The following ADAMTS13 variants were observed in gnomAD, a reference collection of about 807,000 sequenced individuals.
ADAMTS13 encodes the protein ADAM metallopeptidase with thrombospondin type 1 motif 13.
A neutral mutation model predicts 155.1 loss-of-function variants in ADAMTS13; 110 were observed. The observed-to-expected ratio is 0.71, with a 90% confidence interval of 0.61 to 0.83. ADAMTS13 has a LOEUF of 0.83. ADAMTS13 is among the 40% of genes least tolerant of loss of function. The probability of loss-of-function intolerance (pLI) is 0.00; values close to 1 mark genes in which losing one functional copy is unlikely to be tolerated. For synonymous variants in ADAMTS13, 758 were observed against 756.4 expected, an observed-to-expected ratio of 1.00 and a Z score of -0.03; for missense variants, 1,707 against 1,891.7, an observed-to-expected ratio of 0.90 and a Z score of 1.81.
At chr9:133,429,810 G>A in intron 7 of ADAMTS13, 129 bp from the exon 8 acceptor site, 1 of 1,268,636 alleles carries the variant, frequency 7.9e-7, no homozygotes, top group East Asian at 2.5e-5. Context: ...CGCGGGCCGA[G>A]AACTCCTGTT....
rs36221469 is a variant in ADAMTS13 at position 133,444,343 on chromosome 9, G to A, written c.2421-520G>A. On this transcript the variant is annotated intron_variant, in intron 19 of 28. Coordinates refer to ENST00000355699, the MANE Select transcript of ADAMTS13 (RefSeq NM_139027.6). ...GCCTCTGCCTCTGGAGAGTAGGAGG[G>A]ATGGGTTCTCTTTTTTTTTTTTATT... Among the ~76,000 whole-genome samples, 1,488 of 152,050 alleles carry A rather than the reference G, an allele frequency of 9.8e-3. 20 individuals carry two copies. The highest frequency in any genetic ancestry group is 0.034 in the African/African-American group (1,411 of 41,456).
chr9:133,430,693 C>CTTTTTTTTTTT (rs1220627976), intron 8 of ADAMTS13, among the ~76,000 whole-genome samples: 2 of 139,692 alleles, frequency 1.4e-5, no homozygotes, highest in Non-Finnish European at 3.1e-5. Context: ...TTTTTTTTTC[C>CTTTTTTTTTTT]TATTTTTTTT....
At chr9:133,418,705 CAG>C (rs1839822815), upstream of ADAMTS13, among the ~76,000 whole-genome samples, 1 of 152,204 alleles carries the variant, frequency 6.6e-6, no homozygotes, top group Non-Finnish European at 1.5e-5. Flanking sequence ...CAGAACGCAA[CAG>C]AACAGGACAG....
intron 11 of ADAMTS13, among the ~76,000 whole-genome samples, chr9:133,436,274 C>T (rs1202905685): frequency 6.6e-6 from 1 of 151,478 alleles, no homozygotes; most frequent in African/African-American, 2.4e-5. Context: ...CCCTCCCTTT[C>T]CTCCTTCTCC....
At chr9:133,422,773 A>G (rs1274268865) in intron 1 of ADAMTS13, among the ~76,000 whole-genome samples, 1 of 151,720 alleles carries the variant, frequency 6.6e-6, no homozygotes, top group East Asian at 1.9e-4. Flanking sequence ...ACAGACAGAT[A>G]CTAGTTTGTC....
intron 7 of ADAMTS13, chr9:133,429,655 C>T (rs1840584041): frequency 3.2e-6 from 2 of 627,128 alleles, no homozygotes; most frequent in African/African-American, 1.8e-5. Context: ...TCCCGCCGAC[C>T]GCACCGCTCC....
intron 8 of ADAMTS13, among the ~76,000 whole-genome samples, chr9:133,431,185 G>A (rs1840737850): frequency 6.6e-6 from 1 of 151,674 alleles, no homozygotes; most frequent in African/African-American, 2.4e-5. Flanking sequence ...GGCTTGTCTA[G>A]GACTCCTGGC....
Position 133,456,754 on chromosome 9 carries a change from T to C in ADAMTS13, c.3724+35T>C. The C allele has an allele frequency of 6.4e-7, 1 of 1,550,836 alleles. No individual in the cohort carries two copies. The highest frequency in any genetic ancestry group is 8.7e-7 in the Non-Finnish European group (1 of 1,146,854). ...GGCCTTCTCCACCTCCCTTGGGTGC[T>C]CCAGTCCTGGCAGGGAGGCTGGGTG... On this transcript the variant is annotated intron_variant, in intron 27 of 28. Coordinates refer to ENST00000355699, the MANE Select transcript of ADAMTS13 (RefSeq NM_139027.6). This position sits in a 1 kb window ranked among gnomAD's most constrained non-coding sequence, Gnocchi z 4.4.
intron 7 of ADAMTS13, chr9:133,429,609 C>T: frequency 2.6e-6 from 1 of 389,326 alleles, no homozygotes; most frequent in Non-Finnish European, 5.1e-6. Flanking sequence ...ACACCCCTAT[C>T]TCCCCCACCC....
chr9:133,415,033 A>G, intron 1 of ADAMTS13: 2 of 1,559,042 alleles, frequency 1.3e-6, no homozygotes, highest in Non-Finnish European at 1.7e-6. Context: ...AATAAAATAC[A>G]TGCTGCATTT....
intron 18 of ADAMTS13, 43 bp from the exon 19 acceptor site, chr9:133,443,333 C>T (rs782624195): frequency 6.4e-7 from 1 of 1,564,922 alleles, no homozygotes. Context: ...CCAGGCCAGC[C>T]TGGGACCTGG....
Position 133,437,787 on chromosome 9 carries a change from G to A in ADAMTS13, c.1474G>A (p.Glu492Lys), listed in dbSNP as rs1048590351. The A allele has an allele frequency of 9.9e-6, 16 of 1,613,834 alleles. No homozygotes were observed. Among genetic ancestry groups the A allele is most frequent in the African/African-American group, 1.3e-5 (1 of 74,926 alleles). The change falls in exon 13 of 29, where the codon GAG becomes AAG. Residue 492 changes from glutamate (E) to lysine (K), a missense_variant. Physicochemically the swap from Glu to Lys is moderately conservative, Grantham distance 56 (BLOSUM62 1). This residue lies in a region of ADAMTS13 where 733 missense variants were observed against 749.6 expected (regional missense o/e 0.98). Coordinates refer to ENST00000355699, the MANE Select transcript of ADAMTS13 (RefSeq NM_139027.6). ...LCRHMCRAIGESFIMKRGDSF... is the reference protein window; with the variant it reads ...LCRHMCRAIGKSFIMKRGDSF... ...CAGACACATGTGCCGGGCCATTGGC[G>A]AGAGCTTCATCATGAAGCGTGGAGA...
intron 23 of ADAMTS13, among the ~76,000 whole-genome samples, chr9:133,450,681 G>A (rs1052463025): frequency 6.6e-6 from 1 of 152,148 alleles, no homozygotes; most frequent in Admixed American, 6.5e-5. Context: ...CCCGGGAGGC[G>A]GAGGTTGCAG....
At chr9:133,423,751 TA>T (rs1840100811) in intron 2 of ADAMTS13, among the ~76,000 whole-genome samples, 1 of 152,188 alleles carries the variant, frequency 6.6e-6, no homozygotes, top group African/African-American at 2.4e-5. Flanking sequence ...CTTTGTGGTC[TA>T]GGCCAGAGGC....
chr9:133,422,154 C>A (rs1216009294), upstream of ADAMTS13: 1 of 523,322 alleles, frequency 1.9e-6, no homozygotes, highest in Non-Finnish European at 3.4e-6. Flanking sequence ...TAGGCCTCCT[C>A]TAAGGGGGTG....
intron 14 of ADAMTS13, 112 bp from the exon 15 acceptor site, chr9:133,439,254 G>T (rs1554789989): frequency 1.2e-6 from 1 of 855,836 alleles, no homozygotes; most frequent in Non-Finnish European, 2.0e-6. Context: ...TGCTGCTGGA[G>T]CCAGCCCCAT....
At chr9:133,430,253 C>A in intron 8 of ADAMTS13, 152 bp downstream of exon 8, 1 of 971,144 alleles carries the variant, frequency 1.0e-6, no homozygotes, top group Non-Finnish European at 1.6e-6. Context: ...GCTGTCTGTG[C>A]CCTCTAGAAA....
chr9:133,455,960 C>A, intron 25 of ADAMTS13, 109 bp from the exon 26 acceptor site: 2 of 1,470,656 alleles, frequency 1.4e-6, no homozygotes, highest in Non-Finnish European at 1.9e-6. Context: ...CCTTGGAGGA[C>A]AGGGTCCACC....
At chr9:133,415,091 G>T in intron 1 of ADAMTS13, 1 of 1,054,588 alleles carries the variant, frequency 9.5e-7, no homozygotes, top group Non-Finnish European at 1.4e-6. Flanking sequence ...ACGTGTGTAT[G>T]TATATACACA....
Sources: allele counts gnomAD v4.1 joint callset (sites outside exome capture counted in the v4.1 genomes callset), GRCh38; gene constraint gnomAD v4.1.1; regional missense constraint gnomAD v4.1.1; non-coding constraint Gnocchi (gnomAD v3.1); transcripts MANE v1.5; gene names NCBI Gene and HGNC (gene_info 2026-07-23, HGNC 2026-07-21).